CIBAR1: variants seen among roughly 807,000 people sequenced by gnomAD.
The protein encoded by CIBAR1 is CBY1-interacting BAR domain-containing protein 1.
CIBAR1 carries 25 observed loss-of-function variants against 44.0 expected under a neutral mutation model. The ratio of observed to expected loss-of-function variants is 0.57; its 90% CI spans 0.41 to 0.79. CIBAR1 has a LOEUF of 0.79. CIBAR1 is among the 30% of genes least tolerant of loss of function. The probability of loss-of-function intolerance (pLI) is 0.00; values close to 1 mark genes in which losing one functional copy is unlikely to be tolerated. For synonymous variants in CIBAR1, 115 were observed against 119.0 expected, an observed-to-expected ratio of 0.97 and a Z score of 0.22; for missense variants, 278 against 344.8, an observed-to-expected ratio of 0.81 and a Z score of 1.53.
chr8:93,724,269 G>A (rs1314986068), intron 7 of CIBAR1, among the ~76,000 whole-genome samples: 1 of 152,158 alleles, frequency 6.6e-6, no homozygotes. Context: ...AAGCTGTGAA[G>A]GGTATGTAGA....
chr8:93,708,820 C>G (rs1185376290), intron 5 of CIBAR1, among the ~76,000 whole-genome samples: 1 of 152,098 alleles, frequency 6.6e-6, no homozygotes, highest in Non-Finnish European at 1.5e-5. Flanking sequence ...TGGTTATATA[C>G]CTGCTAACTC....
chr8:93,725,531 G>A (rs1255130622), intron 7 of CIBAR1, among the ~76,000 whole-genome samples: 1 of 151,890 alleles, frequency 6.6e-6, no homozygotes, highest in African/African-American at 2.4e-5. Flanking sequence ...AAATGGAAAA[G>A]AAATTTGTTT....
chr8:93,714,788 C>T (rs969848532), intron 6 of CIBAR1, among the ~76,000 whole-genome samples: 5 of 152,054 alleles, frequency 3.3e-5, no homozygotes, highest in African/African-American at 4.8e-5. Flanking sequence ...CTGGCTGGCC[C>T]CCTTATTTCT....
chr8:93,714,916 C>T (rs769424696), intron 6 of CIBAR1, among the ~76,000 whole-genome samples: 21 of 152,150 alleles, frequency 1.4e-4, no homozygotes, highest in African/African-American at 3.4e-4. Context: ...TGGGGAGAAA[C>T]GGAACATTCC....
In CIBAR1 at chr8:93,703,211, G is replaced by A. The variant is rs1441174210; in HGVS notation, c.262-409G>A. On this transcript the variant is annotated intron_variant, in intron 2 of 8. Coordinates refer to ENST00000518322, the MANE Select transcript of CIBAR1 (RefSeq NM_145269.5). ...TTTTCAAGGTTATGTTGCTTTAAAT[G>A]TTTCCAAGATGCTCTGTCTTTCAGC... Among the ~76,000 whole-genome samples the A allele has an allele frequency of 2.0e-5, 3 of 152,142 alleles. No homozygotes were observed. In the East Asian group the frequency reaches 5.8e-4, roughly 29 times the overall value.
At chr8:93,709,144 G>A (rs1044021415) in intron 5 of CIBAR1, among the ~76,000 whole-genome samples, 2 of 152,116 alleles carry the variant, frequency 1.3e-5, no homozygotes, top group African/African-American at 2.4e-5. Flanking sequence ...GCTGGGTGTG[G>A]TGGCATGCAC....
rs374300628 is a variant in CIBAR1, at chr8:93,718,717, G to A, written c.586G>A (p.Gly196Ser). The A allele has an allele frequency of 9.7e-5, 151 of 1,561,458 alleles. No individual in the cohort carries two copies. Among genetic ancestry groups the A allele is most frequent in the Middle Eastern group, 1.8e-4 (1 of 5,536 alleles). The change falls in exon 7 of 9, where the codon GGC (glycine) becomes AGC (serine). Residue 196 changes from glycine (G) to serine (S), a missense_variant. Physicochemically the swap from Gly to Ser is moderately conservative, Grantham distance 56. Around this residue, in one of 3 missense-constraint regions of CIBAR1, gnomAD observed 93 missense variants for 108.9 expected, o/e 0.85. Coordinates refer to ENST00000518322, the MANE Select transcript of CIBAR1 (RefSeq NM_145269.5). ...TATCACAATCGAAATGTTATTTCAC[G>A]GCAAAGCTTTAGAGGTCTACACTGC... ...EFITIEMLFHGKALEVYTAAY... is the reference protein window; with the variant it reads ...EFITIEMLFHSKALEVYTAAY...
At chr8:93,701,671 A>T in intron 2 of CIBAR1, 1 of 554,412 alleles carries the variant, frequency 1.8e-6, no homozygotes, top group South Asian at 2.4e-5. Flanking sequence ...GGGCATCTTG[A>T]GGTCTTGAAT....
At position 93,730,910 on chromosome 8, in the gene CIBAR1, A is replaced by G. The variant is rs947594569; in HGVS notation, c.*2613A>G. 3.9e-5 allele frequency: 6 copies of G among 152,250 alleles called. No individual in the cohort carries two copies. Among genetic ancestry groups the G allele is most frequent in the African/African-American group, 1.4e-4 (6 of 41,458 alleles). 9.4% of individuals were successfully genotyped at this position (152,250 alleles called of 1,614,324 possible). On this transcript the variant is annotated 3_prime_UTR_variant, in exon 9 of 9. Transcript: ENST00000518322. Reference sequence around the variant, plus strand: ...ACAGTGGCTCACACCTGTAATCCCAACACATTCTGGGAGACCAAGGAGTGA... The same window carrying G: ...ACAGTGGCTCACACCTGTAATCCCAGCACATTCTGGGAGACCAAGGAGTGA...
At chr8:93,726,563 T>G (rs771996056) in intron 8 of CIBAR1, 50 bp downstream of exon 8, 1 of 1,597,382 alleles carries the variant, frequency 6.3e-7, no homozygotes, top group Non-Finnish European at 8.5e-7. Flanking sequence ...GCCTTTGGAA[T>G]TGTTGAGTTC....
intron 7 of CIBAR1, chr8:93,724,663 T>C (rs1811404564): frequency 1.7e-6 from 2 of 1,173,522 alleles, no homozygotes; most frequent in South Asian, 3.2e-5. Context: ...ATGTCTTTCA[T>C]TGTAATAGCT....
intron 8 of CIBAR1, among the ~76,000 whole-genome samples, chr8:93,727,926 AAT>A (rs991963752): frequency 3.1e-4 from 47 of 151,814 alleles, no homozygotes; most frequent in African/African-American, 1.1e-3. Context: ...TAATATTCAT[AAT>A]ATAGAGTCTA....
At chr8:93,720,007 A>G (rs1811192692) in intron 7 of CIBAR1, 1 of 147,788 alleles carries the variant, frequency 6.8e-6, no homozygotes, top group Non-Finnish European at 1.5e-5. Context: ...CTTCCAAGAC[A>G]GAGTCTTGCT....
At chr8:93,726,336 T>C in intron 7 of CIBAR1, 58 bp from the exon 8 acceptor site, 1 of 1,443,636 alleles carries the variant, frequency 6.9e-7, no homozygotes, top group Non-Finnish European at 9.2e-7. Flanking sequence ...GAACTTAATT[T>C]GACTGTCTTG....
intron 7 of CIBAR1, chr8:93,724,476 C>T: frequency 1.9e-6 from 1 of 530,666 alleles, no homozygotes; most frequent in Non-Finnish European, 3.4e-6. Flanking sequence ...AGGCACGTCC[C>T]ACTATGCCTG....
At chr8:93,719,162 C>T (rs1049145655) in intron 7 of CIBAR1, among the ~76,000 whole-genome samples, 1 of 152,040 alleles carries the variant, frequency 6.6e-6, no homozygotes. Context: ...CCGTGCCCAG[C>T]CATGATTAGT....
At chr8:93,726,980 C>T in intron 8 of CIBAR1, 1 of 410,734 alleles carries the variant, frequency 2.4e-6, no homozygotes, top group Non-Finnish European at 4.7e-6. Flanking sequence ...AGAGCAGGGG[C>T]TGACAAACTT....
intron 3 of CIBAR1, among the ~76,000 whole-genome samples, chr8:93,704,124 A>G (rs1810481914): frequency 6.6e-6 from 1 of 152,074 alleles, no homozygotes; most frequent in South Asian, 2.1e-4. Flanking sequence ...ACTCTGAAAG[A>G]TCACTTAGAT....
Position 93,709,868 on chromosome 8 carries a change from A to C in CIBAR1, c.536A>C (p.Asp179Ala), listed in dbSNP as rs971211757. The C allele has an allele frequency of 2.5e-6, 4 of 1,606,818 alleles. No homozygotes were observed. Among genetic ancestry groups the C allele is most frequent in the Non-Finnish European group, 3.4e-6 (4 of 1,175,194 alleles). ...INNFERQKMK[D>A]IKTIFSEFIT... ...AACTTTGAAAGGCAGAAAATGAAGG[A>C]TATAAAGGTAATAAAGTAACTGTTA... The change falls in exon 6 of 9, where the codon GAT (aspartate) becomes GCT (alanine). Residue 179 changes from aspartate (D) to alanine (A), a missense_variant. Physicochemically the swap from Asp to Ala is moderately radical, Grantham distance 126. Around this residue, in one of 3 missense-constraint regions of CIBAR1, gnomAD observed 183 missense variants for 218.6 expected, o/e 0.84. Coordinates refer to ENST00000518322, the MANE Select transcript of CIBAR1 (RefSeq NM_145269.5).
Sources: allele counts gnomAD v4.1 joint callset (sites outside exome capture counted in the v4.1 genomes callset), GRCh38; gene constraint gnomAD v4.1.1; regional missense constraint gnomAD v4.1.1; transcripts MANE v1.5; gene names NCBI Gene and HGNC (gene_info 2026-07-23, HGNC 2026-07-21).